Variants in KIFC3 observed in about 807,000 individuals in gnomAD.
KIFC3 encodes the protein kinesin family member C3.
Under a neutral mutation model 101.8 loss-of-function variants are expected in KIFC3, and 60 were observed. That is an observed-to-expected ratio of 0.59 (90% CI 0.48 to 0.73). The LOEUF is 0.73. KIFC3 is among the 30% of genes least tolerant of loss of function. The pLI is 0.00. For synonymous variants in KIFC3, 476 were observed against 482.7 expected, an observed-to-expected ratio of 0.99 and a Z score of 0.18; for missense variants, 966 against 1,137.1, an observed-to-expected ratio of 0.85 and a Z score of 2.16.
chr16:57,849,783 A>G (rs1207440647), intron 1 of KIFC3, among the ~76,000 whole-genome samples: 1 of 152,126 alleles, frequency 6.6e-6, no homozygotes, highest in African/African-American at 2.4e-5. Context: ...TGTGCCTGTA[A>G]TCCCAGCTAC....
Position 57,761,452 on chromosome 16 carries a change from C to T in KIFC3, c.1833G>A (p.Leu611=). 1 of 1,614,042 alleles carries T rather than the reference C, an allele frequency of 6.2e-7. No individual in the cohort carries two copies. The highest frequency in any genetic ancestry group is 1.7e-5 in the Admixed American group (1 of 60,018). Reference sequence around the variant, plus strand: ...CCACGCTCTGCACTTGGAACTCAGTCAGCCCTGGTACATACAGCTGCCCAC... The same window carrying T: ...CCACGCTCTGCACTTGGAACTCAGTTAGCCCTGGTACATACAGCTGCCCAC... The part of the protein sequence containing the change: ...DGSGQLYVPG[L]TEFQVQSVDD... Residue 611 remains leucine (L), a synonymous_variant, in exon 14 of 20, where the codon CTG becomes CTA. Coordinates refer to ENST00000445690, the MANE Select transcript of KIFC3 (RefSeq NM_001130100.2).
intron 3 of KIFC3, among the ~76,000 whole-genome samples, chr16:57,780,577 TTA>T (rs1491343455): frequency 7.1e-6 from 1 of 140,182 alleles, no homozygotes; most frequent in Non-Finnish European, 1.5e-5. Flanking sequence ...TTAAAATGAT[TTA>T]AAAAAAAAAA....
intron 2 of KIFC3, chr16:57,797,851 G>A (rs568549725): frequency 9.6e-5 from 139 of 1,446,710 alleles, no homozygotes; most frequent in Non-Finnish European, 1.2e-4. Flanking sequence ...AGTTTAACCC[G>A]GCTTCCAGGT....
At chr16:57,836,175 A>C (rs1484978786) in intron 1 of KIFC3, among the ~76,000 whole-genome samples, 1 of 152,192 alleles carries the variant, frequency 6.6e-6, no homozygotes, top group Admixed American at 6.5e-5. Context: ...TGCAGTAGCA[A>C]GATCATGGGC....
intron 1 of KIFC3, among the ~76,000 whole-genome samples, chr16:57,850,273 T>C (rs1347521406): frequency 6.7e-6 from 1 of 150,228 alleles, no homozygotes; most frequent in South Asian, 2.1e-4. Flanking sequence ...CATGGTGGCA[T>C]GCACCTGTAG....
Position 57,761,416 on chromosome 16 carries a change from G to T in KIFC3, c.1869C>A (p.Asn623Lys). Residue 623 changes from asparagine (N) to lysine (K), a missense_variant, in exon 14 of 20, where the codon AAC becomes AAA. By Grantham distance (94) the Asn-to-Lys change is moderately conservative. This residue lies in a region of KIFC3 where 689 missense variants were observed against 884.6 expected (regional missense o/e 0.78). Coordinates refer to ENST00000445690, the MANE Select transcript of KIFC3 (RefSeq NM_001130100.2). ...TCAGGGGCTCCCGCCTCCACACCTT[G>T]TTGATGTCGTCCACGCTCTGCACTT... is the stretch of plus-strand genomic sequence containing the variant. ...EFQVQSVDDI[N>K]KVFEFGHTNR... is the part of the protein sequence containing the mutation. 1 of 1,613,980 alleles carries T rather than the reference G, an allele frequency of 6.2e-7. No homozygotes were observed. The highest frequency in any genetic ancestry group is 8.5e-7 in the Non-Finnish European group (1 of 1,179,910).
rs573212194 is a variant in KIFC3, at chr16:57,764,722, T to A, written c.1513-475A>T. Among the ~76,000 whole-genome samples the A allele has an allele frequency of 7.2e-4, 109 of 151,984 alleles. 2 individuals carry two copies. The South Asian group carries it at 0.022, about 31-fold the overall frequency. ...ATGGTTCTCATACAGCCTCAGGGGGTTGGGGGATTCCTAGGAAGGCCCAGG... is the reference window on the plus strand; with the variant it reads ...ATGGTTCTCATACAGCCTCAGGGGGATGGGGGATTCCTAGGAAGGCCCAGG... On this transcript the variant is annotated intron_variant, in intron 11 of 19. Coordinates refer to ENST00000445690, the MANE Select transcript of KIFC3 (RefSeq NM_001130100.2).
chr16:57,829,615 C>T (rs7204378), intron 1 of KIFC3, among the ~76,000 whole-genome samples: 2,108 of 152,272 alleles, frequency 0.014, 49 homozygotes, highest in African/African-American at 0.049. Flanking sequence ...GGCAAAAGTA[C>T]CTAGGGCTCA....
At chr16:57,816,997 C>T (rs2055241847) in intron 1 of KIFC3, 1 of 324,210 alleles carries the variant, frequency 3.1e-6, no homozygotes, top group Non-Finnish European at 6.0e-6. Context: ...TCTGAATTAT[C>T]ACATGCATTC....
chr16:57,834,248 C>T (rs1555479915), intron 1 of KIFC3, among the ~76,000 whole-genome samples: 2 of 152,146 alleles, frequency 1.3e-5, no homozygotes, highest in African/African-American at 4.8e-5. Context: ...GCAAAAGTTA[C>T]CATCTGTGAA....
intron 1 of KIFC3, among the ~76,000 whole-genome samples, chr16:57,826,724 T>A (rs2055464335): frequency 6.6e-6 from 1 of 152,178 alleles, no homozygotes; most frequent in South Asian, 2.1e-4. Context: ...GCATAAGTGT[T>A]TTGATTTGGT....
In KIFC3 at chr16:57,845,583, C is replaced by T. The variant is rs115367924; in HGVS notation, c.108+17146G>A. Among the ~76,000 whole-genome samples the T allele has an allele frequency of 6.5e-3, 986 of 152,236 alleles. 16 individuals are homozygous for T. Among genetic ancestry groups the T allele is most frequent in the African/African-American group, 0.022 (921 of 41,532 alleles). ...TTCTTCCACCTCGGACATTCTTTCC[C>T]CAAATATCCACAGGGCTCTCTCCCT... On this transcript the variant is annotated intron_variant, in intron 1 of 2. Transcript: ENST00000563028.
intron 1 of KIFC3, among the ~76,000 whole-genome samples, chr16:57,844,867 G>A (rs1596860680): frequency 6.6e-6 from 1 of 152,144 alleles, no homozygotes; most frequent in East Asian, 1.9e-4. Context: ...AACAAGGCAG[G>A]CATTCAGTCA....
At chr16:57,842,067 G>A (rs907957719) in intron 1 of KIFC3, among the ~76,000 whole-genome samples, 4 of 152,022 alleles carry the variant, frequency 2.6e-5, no homozygotes, top group South Asian at 2.1e-4. Flanking sequence ...ATGGTGATGT[G>A]CACCTGTAAT....
intron 1 of KIFC3, among the ~76,000 whole-genome samples, chr16:57,852,692 A>G (rs1368917112): frequency 2.0e-5 from 3 of 152,210 alleles, no homozygotes; most frequent in Non-Finnish European, 4.4e-5. Flanking sequence ...ATACATTAAT[A>G]TTTGACTTCA....
Position 57,766,864 on chromosome 16 carries a change from C to T in KIFC3, c.1330+10G>A. 7 of 1,602,832 alleles carry T rather than the reference C, an allele frequency of 4.4e-6. No individual in the cohort carries two copies. Among genetic ancestry groups the T allele is most frequent in the Non-Finnish European group, 5.9e-6 (7 of 1,176,576 alleles). On this transcript the variant is annotated intron_variant, in intron 10 of 19. Transcript: ENST00000445690. ...AGGCCAGCGCCCACCCCCAGCCCTC[C>T]TGCAGTCACCTTTCAGCCGCACGAG...
intron 1 of KIFC3, among the ~76,000 whole-genome samples, chr16:57,853,402 G>A (rs1202378730): frequency 6.7e-6 from 1 of 149,004 alleles, no homozygotes; most frequent in Non-Finnish European, 1.5e-5. Context: ...CTGGGTGACA[G>A]AACAAGACTC....
At chr16:57,849,583 G>C (rs1164190454) in intron 1 of KIFC3, among the ~76,000 whole-genome samples, 1 of 152,126 alleles carries the variant, frequency 6.6e-6, no homozygotes, top group East Asian at 1.9e-4. Flanking sequence ...ACTGCCTCTA[G>C]AAGATAGGGG....
intron 1 of KIFC3, among the ~76,000 whole-genome samples, chr16:57,809,386 C>A (rs531532116): frequency 2.6e-5 from 4 of 152,304 alleles, no homozygotes; most frequent in African/African-American, 9.6e-5. Flanking sequence ...GCCTTAAACT[C>A]CTGAGTTGAA....
Sources: gnomAD v4.1 joint callset for allele counts (sites outside exome capture counted in the v4.1 genomes callset) on GRCh38, gnomAD v4.1.1 for gene constraint, gnomAD v4.1.1 regional missense constraint, MANE v1.5 for transcripts, NCBI Gene and HGNC (gene_info 2026-07-23, HGNC 2026-07-21) for gene names.